THSD7B: variants seen among roughly 807,000 people sequenced by gnomAD.
The protein encoded by THSD7B is thrombospondin type-1 domain-containing protein 7B.
In THSD7B, 138 loss-of-function variants were observed where a neutral mutation model predicts 213.6. That is an observed-to-expected ratio of 0.65 (90% CI 0.56 to 0.74). THSD7B has a LOEUF of 0.74. THSD7B is among the 30% of genes least tolerant of loss of function. THSD7B has a pLI of 0.00. For synonymous variants in THSD7B, 742 were observed against 687.0 expected (o/e 1.08, Z -1.25); for missense variants, 1,931 against 1,991.5 (o/e 0.97, Z 0.58).
chr2:137,372,900 A>C (rs1385149544), intron 12 of THSD7B, among the ~76,000 whole-genome samples: 1 of 125,192 alleles, frequency 8.0e-6, no homozygotes, highest in East Asian at 2.4e-4. Context: ...TCCTGTGTCC[A>C]TGTGTTCTCA....
chr2:137,085,763 G>A (rs1376940556), intron 3 of THSD7B, among the ~76,000 whole-genome samples: 1 of 152,038 alleles, frequency 6.6e-6, no homozygotes, highest in Admixed American at 6.6e-5. Context: ...AAATATGCGA[G>A]CATAGATTTA....
chr2:137,462,495 A>G (rs897548526), intron 15 of THSD7B, among the ~76,000 whole-genome samples: 2 of 152,090 alleles, frequency 1.3e-5, no homozygotes, highest in Non-Finnish European at 2.9e-5. Context: ...TGCTATTTCT[A>G]TAAGCCAATA....
At chr2:137,332,464 A>G (rs1305121576) in intron 12 of THSD7B, among the ~76,000 whole-genome samples, 1 of 152,120 alleles carries the variant, frequency 6.6e-6, no homozygotes, top group African/African-American at 2.4e-5. Context: ...ACAGGCTCAG[A>G]GGTGGAAAGG....
At chr2:136,905,846 T>C (rs1684151299) in intron 2 of THSD7B, among the ~76,000 whole-genome samples, 2 of 152,316 alleles carry the variant, frequency 1.3e-5, no homozygotes, top group South Asian at 4.1e-4. Flanking sequence ...AAAAAGACAG[T>C]TGGGGCTAGC....
intron 1 of THSD7B, among the ~76,000 whole-genome samples, chr2:136,779,196 A>ATGTGTGTG (rs773458822): frequency 1.1e-3 from 145 of 134,360 alleles, no homozygotes; most frequent in Admixed American, 3.0e-3. Context: ...CTATATATAT[A>ATGTGTGTG]TATGTGTGTG....
intron 2 of THSD7B, among the ~76,000 whole-genome samples, chr2:137,007,228 G>C (rs1333583196): frequency 2.0e-5 from 3 of 152,144 alleles, no homozygotes; most frequent in Non-Finnish European, 2.9e-5. Context: ...ATGGGCACTG[G>C]TGAATGGAGC....
chr2:137,026,605 A>G (rs964762065), intron 2 of THSD7B, among the ~76,000 whole-genome samples: 32 of 152,116 alleles, frequency 2.1e-4, no homozygotes, highest in African/African-American at 7.7e-4. Flanking sequence ...CCCTACCCCC[A>G]GGTATTTCTT....
At chr2:137,306,615 C>A (rs921782222) in intron 12 of THSD7B, among the ~76,000 whole-genome samples, 18 of 152,038 alleles carry the variant, frequency 1.2e-4, no homozygotes, top group African/African-American at 4.3e-4. Context: ...TTACATGTAT[C>A]TTCTAGTGAA....
chr2:137,386,005 G>A (rs577207619), intron 12 of THSD7B, among the ~76,000 whole-genome samples: 34 of 152,282 alleles, frequency 2.2e-4, no homozygotes, highest in South Asian at 8.3e-4. Context: ...GACACTGAAC[G>A]TGTAATTATA....
intron 1 of THSD7B, among the ~76,000 whole-genome samples, chr2:136,855,797 C>T (rs1012630621): frequency 1.1e-4 from 17 of 151,366 alleles, no homozygotes; most frequent in African/African-American, 3.9e-4. Context: ...CTTATCACTC[C>T]CTCCCTCATT....
intron 1 of THSD7B, 135 bp downstream of exon 1, chr2:136,765,822 A>G (rs1340332685): frequency 2.6e-5 from 4 of 152,214 alleles, no homozygotes; most frequent in African/African-American, 9.6e-5. Context: ...CCGGACAGCC[A>G]TCGTCGCCCC....
chr2:137,621,417 A>T (rs749031799), intron 20 of THSD7B, among the ~76,000 whole-genome samples: 21 of 152,374 alleles, frequency 1.4e-4, no homozygotes, highest in South Asian at 4.1e-4. Flanking sequence ...GAAAGGTAGT[A>T]TAAATCTTTG....
chr2:136,982,146 C>T (rs376679941), intron 2 of THSD7B, among the ~76,000 whole-genome samples: 44 of 152,244 alleles, frequency 2.9e-4, no homozygotes, highest in African/African-American at 1.0e-3. Context: ...AGTGATGCAC[C>T]CACCTCAGCC....
chr2:136,785,099 G>A (rs1163574741), intron 1 of THSD7B, among the ~76,000 whole-genome samples: 2 of 152,166 alleles, frequency 1.3e-5, no homozygotes, highest in Non-Finnish European at 2.9e-5. Flanking sequence ...AGTCTGCCAT[G>A]ATCTGAGCTG....
chr2:137,028,879 G>A (rs1298070145), intron 2 of THSD7B, among the ~76,000 whole-genome samples: 1 of 152,016 alleles, frequency 6.6e-6, no homozygotes, highest in African/African-American at 2.4e-5. Context: ...GTATTCAGTT[G>A]TTTTAGAAGA....
chr2:137,066,850 T>C (rs12691903), intron 3 of THSD7B, among the ~76,000 whole-genome samples: 59,451 of 151,996 alleles, frequency 0.39, 13,782 homozygotes, highest in African/African-American at 0.65. Context: ...CATTTGTAGT[T>C]CTACCCATAG....
chr2:137,484,238 T>A (rs978314217), intron 15 of THSD7B, among the ~76,000 whole-genome samples: 17 of 149,850 alleles, frequency 1.1e-4, no homozygotes, highest in Non-Finnish European at 1.9e-4. Flanking sequence ...TTCTTATTGT[T>A]CAATTCCCAA....
chr2:137,304,142 T>C (rs776570218), intron 12 of THSD7B, among the ~76,000 whole-genome samples: 7 of 152,094 alleles, frequency 4.6e-5, no homozygotes, highest in Admixed American at 1.3e-4. Flanking sequence ...GAGCTCATCC[T>C]TTTTATGGCT....
intron 12 of THSD7B, among the ~76,000 whole-genome samples, chr2:137,324,426 A>G (rs1294562520): frequency 1.3e-5 from 2 of 151,720 alleles, no homozygotes; most frequent in African/African-American, 4.8e-5. Flanking sequence ...AATTAATGAC[A>G]TTCATGTTTA....
Sources: allele counts gnomAD v4.1 joint callset (sites outside exome capture counted in the v4.1 genomes callset), GRCh38; gene constraint gnomAD v4.1.1; transcripts MANE v1.5; gene names NCBI Gene and HGNC (gene_info 2026-07-23, HGNC 2026-07-21).